Variants in HOXA10 observed in about 807,000 individuals in gnomAD.
The protein encoded by HOXA10 is homeobox protein Hox-A10.
In HOXA10, 12 loss-of-function variants were observed where a neutral mutation model predicts 29.7. That is an observed-to-expected ratio of 0.40 (90% CI 0.26 to 0.65). HOXA10 has a LOEUF of 0.65. HOXA10 is among the 30% of genes least tolerant of loss of function. HOXA10 has a pLI of 0.37. For synonymous variants in HOXA10, 327 were observed against 280.7 expected, an observed-to-expected ratio of 1.16 and a Z score of -1.65; for missense variants, 656 against 585.9, an observed-to-expected ratio of 1.12 and a Z score of -1.24.
At position 27,171,459 on chromosome 7, in the gene HOXA10, G is replaced by A. The variant is rs1449090700; in HGVS notation, c.*440C>T. The A allele has an allele frequency of 1.3e-5, 6 of 456,896 alleles. No individual in the cohort carries two copies. The allele number at this position is 456,896 out of a possible 1,614,324, so 28.3% of individuals were successfully genotyped here. A position where few individuals can be genotyped will look rare whatever the true frequency, so the allele number is the denominator to read the frequency against. ...ACTCCAGGCAGACATGCCCGGTGGC[G>A]GCTCCTTTGCACCATTGACCTCAGG... On this transcript the variant is annotated 3_prime_UTR_variant, in exon 2 of 2. Coordinates refer to ENST00000283921, the MANE Select transcript of HOXA10 (RefSeq NM_018951.4).
At chr7:27,176,921 A>C (rs1353954875), upstream of HOXA10, among the ~76,000 whole-genome samples, 1 of 152,258 alleles carries the variant, frequency 6.6e-6, no homozygotes, top group South Asian at 2.1e-4. Flanking sequence ...ATTTCGAAGG[A>C]GTTCACACAC....
At chr7:27,173,005 CG>C in intron 1 of HOXA10, 1 of 349,564 alleles carries the variant, frequency 2.9e-6, no homozygotes, top group Admixed American at 4.7e-5. Context: ...CCCCTCCCCC[CG>C]CGTGGGCCGC....
chr7:27,171,620 C>T lies in HOXA10; in HGVS notation c.*279G>A, dbSNP rs1387223584. The stretch of plus-strand genomic sequence containing the variant: ...CCCAAGACAGCAAACCCAGCCCAGT[C>T]AGGACTTGACACTTAGGACAATATC... On this transcript the variant is annotated 3_prime_UTR_variant, in exon 2 of 2. Transcript: ENST00000283921. The T allele has an allele frequency of 3.5e-6, 2 of 574,244 alleles. No individual in the cohort carries two copies. Among genetic ancestry groups the T allele is most frequent in the Non-Finnish European group, 6.6e-6 (2 of 305,294 alleles). The allele number at this position is 574,244 out of a possible 1,614,324, so 35.6% of individuals were successfully genotyped here.
At chr7:27,174,924 T>C (rs1783626499), upstream of HOXA10, 1 of 153,268 alleles carries the variant, frequency 6.5e-6, no homozygotes, top group Non-Finnish European at 1.5e-5. Flanking sequence ...CTACTTCCAG[T>C]ATCCACAGAT....
At chr7:27,172,373 A>T (rs1783520729) in intron 1 of HOXA10, 200 bp from the exon 2 acceptor site, 1 of 612,322 alleles carries the variant, frequency 1.6e-6, no homozygotes, top group South Asian at 1.9e-5. Context: ...TTCAATCTAC[A>T]TGACCCTTCC....
chr7:27,174,174 C>G lies in HOXA10; in HGVS notation c.133G>C (p.Gly45Arg). 1 of 1,598,490 alleles carries G rather than the reference C, an allele frequency of 6.3e-7. No individual in the cohort carries two copies. Among genetic ancestry groups the G allele is most frequent in the South Asian group, 1.1e-5 (1 of 91,030 alleles). ...CCGCCGCCCCCCGCGCCACCACCAC[C>G]GCCGCCTGCCTCGCCTCTGCCCGAG... ...ISSGRGEAGG[G>R]GGGAGGGGGG... Residue 45 changes from glycine (G) to arginine (R), a missense_variant, in exon 1 of 2, where the codon GGT (glycine) becomes CGT (arginine). Physicochemically the swap from Gly to Arg is moderately radical, Grantham distance 125. Around this residue, in one of 2 missense-constraint regions of HOXA10, gnomAD observed 594 missense variants for 491.9 expected, o/e 1.21. Transcript: ENST00000283921.
chr7:27,176,134 G>C (rs1015504778), upstream of HOXA10, among the ~76,000 whole-genome samples: 3 of 152,240 alleles, frequency 2.0e-5, no homozygotes, highest in African/African-American at 7.2e-5. Flanking sequence ...GGAGGATGGA[G>C]AGAAAAAGAG....
At chr7:27,176,041 C>T (rs924701393), upstream of HOXA10, among the ~76,000 whole-genome samples, 1 of 152,358 alleles carries the variant, frequency 6.6e-6, no homozygotes, top group African/African-American at 2.4e-5. Flanking sequence ...GCCGCTCCAC[C>T]GCTAGCGCGG....
intron 1 of HOXA10, chr7:27,173,093 C>A (rs1259719063): frequency 2.3e-5 from 13 of 573,794 alleles, no homozygotes; most frequent in Non-Finnish European, 4.0e-5. Flanking sequence ...GGGGCCTGCT[C>A]GCTGGTGTCC....
rs1464550119 is a variant in HOXA10, at chr7:27,171,541, G to A, written c.*358C>T. The stretch of plus-strand genomic sequence containing the variant: ...GGCCTTCCGGCTAGGTTTGCCCCAG[G>A]CTGGGCAGGAAACCAGCTCGGCCGA... On this transcript the variant is annotated 3_prime_UTR_variant, in exon 2 of 2. Transcript: ENST00000283921. 4.2e-6 allele frequency: 2 copies of A among 477,000 alleles called. No individual in the cohort carries two copies. The highest frequency in any genetic ancestry group is 6.2e-5 in the East Asian group (1 of 16,218). The allele number at this position is 477,000 out of a possible 1,614,324, so 29.5% of individuals were successfully genotyped here.
chr7:27,170,810 G>GGTT lies in HOXA10; in HGVS notation c.*1088_*1089insAAC. The GGTT allele has an allele frequency of 2.9e-6, 1 of 341,812 alleles. No individual in the cohort carries two copies. The highest frequency in any genetic ancestry group is 3.3e-5 in the Admixed American group (1 of 30,584). The allele number at this position is 341,812 out of a possible 1,614,324, so 21.2% of individuals were successfully genotyped here. On this transcript the variant is annotated 3_prime_UTR_variant, in exon 2 of 2. Coordinates refer to ENST00000283921, the MANE Select transcript of HOXA10 (RefSeq NM_018951.4). Reference sequence around the variant, plus strand: ...ACATTTATACAGATTTGTATTTATAGTTTTTTTCTTTTTCTGCATCTACAG... The same window carrying GGTT: ...ACATTTATACAGATTTGTATTTATAGGTTTTTTTTTCTTTTTCTGCATCTACAG...
At position 27,173,662 on chromosome 7, in the gene HOXA10, G is replaced by A. The variant is rs1362372639; in HGVS notation, c.645C>T (p.Arg215=). The A allele has an allele frequency of 3.2e-6, 5 of 1,549,738 alleles. No individual in the cohort carries two copies. Among genetic ancestry groups the A allele is most frequent in the Non-Finnish European group, 3.5e-6 (4 of 1,146,940 alleles). The stretch of plus-strand genomic sequence containing the variant: ...TGGCGGTGCCGTAGGCCTGAGAAAG[G>A]CGGAAGTAGCCAGGCACTGGCACCC... ...SSGVPVPGYF[R]LSQAYGTAKG... The change falls in exon 1 of 2, where the codon CGC becomes CGT. Residue 215 remains arginine, a synonymous_variant. Coordinates refer to ENST00000283921, the MANE Select transcript of HOXA10 (RefSeq NM_018951.4).
chr7:27,173,609 G>GCGCCGC lies in HOXA10; in HGVS notation c.692_697dup (p.Gly231_Gly232dup), dbSNP rs751780760. On this transcript the variant is annotated inframe_insertion, in exon 1 of 2. Coordinates refer to ENST00000283921, the MANE Select transcript of HOXA10 (RefSeq NM_018951.4). ...GAACGGGCCAGCCCCGAGTTGCTGCGCGCCGCCGCCGCCGCTGCCATAGCC... is the reference window on the plus strand; with the variant it reads ...GAACGGGCCAGCCCCGAGTTGCTGCGCGCCGCCGCCGCCGCCGCCGCTGCCATAGCC... The GCGCCGC allele has an allele frequency of 7.8e-6, 12 of 1,531,586 alleles. No individual in the cohort carries two copies. In the East Asian group the frequency reaches 2.8e-4, roughly 35 times the overall value. 94.9% of individuals were successfully genotyped at this position (1,531,586 alleles called of 1,614,324 possible).
upstream of HOXA10, among the ~76,000 whole-genome samples, chr7:27,176,596 A>G (rs544036436): frequency 1.3e-5 from 2 of 152,338 alleles, no homozygotes; most frequent in East Asian, 3.9e-4. Context: ...AAGCTGTGTC[A>G]TTTGGCAAGT....
intron 1 of HOXA10, 61 bp from the exon 2 acceptor site, chr7:27,172,234 G>A: frequency 3.9e-6 from 6 of 1,528,334 alleles, no homozygotes; most frequent in African/African-American, 1.4e-5. Context: ...CTGCCCGCGG[G>A]GGTGAATTGC....
At chr7:27,173,078 A>G (rs1218647078) in intron 1 of HOXA10, 5 of 522,876 alleles carry the variant, frequency 9.6e-6, no homozygotes, top group Non-Finnish European at 1.7e-5. Context: ...AAGAGCGCAC[A>G]GGAGGGGGCC....
chr7:27,177,596 G>C (rs1189862222), upstream of HOXA10, among the ~76,000 whole-genome samples: 2 of 152,170 alleles, frequency 1.3e-5, no homozygotes, highest in Non-Finnish European at 2.9e-5. Context: ...ATGCTCTCTA[G>C]ACTTTAACAC....
upstream of HOXA10, among the ~76,000 whole-genome samples, chr7:27,175,630 C>T (rs1489767814): frequency 6.6e-6 from 1 of 152,206 alleles, no homozygotes; most frequent in Admixed American, 6.5e-5. Context: ...GTGTGAGCCT[C>T]ATGCTAGTCT....
Position 27,172,035 on chromosome 7 carries a change from C to A in HOXA10, c.1097G>T (p.Arg366Leu), listed in dbSNP as rs1413366940. Residue 366 changes from arginine (R) to leucine (L), a missense_variant, in exon 2 of 2, where the codon CGC becomes CTC. This residue lies in a region of HOXA10 where 62 missense variants were observed against 94.0 expected (regional missense o/e 0.66). Coordinates refer to ENST00000283921, the MANE Select transcript of HOXA10 (RefSeq NM_018951.4). ...LFNMYLTRER[R>L]LEISRSVHLT... ...GTGGACGCTGCGGCTAATCTCTAGG[C>A]GCCGCTCTCGAGTAAGGTACATATT... The A allele has an allele frequency of 6.2e-7, 1 of 1,613,976 alleles. No homozygotes were observed. Among genetic ancestry groups the A allele is most frequent in the East Asian group, 2.2e-5 (1 of 44,884 alleles).
Sources: gnomAD v4.1 joint callset for allele counts (sites outside exome capture counted in the v4.1 genomes callset) on GRCh38, gnomAD v4.1.1 for gene constraint, gnomAD v4.1.1 regional missense constraint, MANE v1.5 for transcripts, NCBI Gene and HGNC (gene_info 2026-07-23, HGNC 2026-07-21) for gene names.